The following SNX10 variants were observed in gnomAD, a reference collection of about 807,000 sequenced individuals.
SNX10 encodes the protein sorting nexin-10.
SNX10 carries 25 observed loss-of-function variants against 28.5 expected under a neutral mutation model. The ratio of observed to expected loss-of-function variants is 0.88; its 90% CI spans 0.64 to 1.22. The LOEUF (loss-of-function observed/expected upper bound fraction) is 1.22. Ranked by LOEUF, SNX10 falls within the 50% of genes most tolerant of loss-of-function variation. The probability of loss-of-function intolerance (pLI) is 0.00; values close to 1 mark genes in which losing one functional copy is unlikely to be tolerated. For missense variants in SNX10, 223 were observed against 242.6 expected (o/e 0.92, Z 0.54); for synonymous variants, 62 against 81.4 (o/e 0.76, Z 1.28).
At chr7:26,358,793 G>A (rs138883652) in intron 2 of SNX10, among the ~76,000 whole-genome samples, 2,003 of 119,542 alleles carry the variant, frequency 0.017, 28 homozygotes, top group African/African-American at 0.042. Flanking sequence ...CATCACTATA[G>A]TGTTATCTTG....
At chr7:26,324,164 C>G (rs1161039413) in intron 1 of SNX10, among the ~76,000 whole-genome samples, 2 of 151,840 alleles carry the variant, frequency 1.3e-5, no homozygotes, top group African/African-American at 4.8e-5. Context: ...TAAGATAACC[C>G]CTTATTCAGA....
chr7:26,351,681 G>A (rs1197554727), intron 2 of SNX10, among the ~76,000 whole-genome samples: 9 of 119,656 alleles, frequency 7.5e-5, no homozygotes, highest in South Asian at 2.9e-4. Context: ...TTTTGAGACC[G>A]AGTCTCTCTC....
intron 1 of SNX10, among the ~76,000 whole-genome samples, chr7:26,340,965 G>A (rs1584140731): frequency 6.6e-6 from 1 of 152,130 alleles, no homozygotes; most frequent in Non-Finnish European, 1.5e-5. Flanking sequence ...CAAACAATGT[G>A]GAAACCAAGC....
chr7:26,364,357 G>T lies in SNX10; in HGVS notation c.112-178G>T. The stretch of plus-strand genomic sequence containing the variant: ...ATTTCCATCATCCTGGCTGTCTTCA[G>T]GGCTGTTATGTTCCTGGGTTATGTG... On this transcript the variant is annotated intron_variant, in intron 3 of 6. Transcript: ENST00000338523. The surrounding 1 kb of genome is among the most constrained non-coding windows in gnomAD (Gnocchi z 4.9). 7.4e-7 allele frequency: 1 copy of T among 1,347,248 alleles called. No individual in the cohort carries two copies. The highest frequency in any genetic ancestry group is 9.5e-7 in the Non-Finnish European group (1 of 1,050,268). 83.5% of individuals were successfully genotyped at this position (1,347,248 alleles called of 1,614,324 possible). A position where few individuals can be genotyped will look rare whatever the true frequency, so the allele number is the denominator to read the frequency against.
intron 1 of SNX10, among the ~76,000 whole-genome samples, chr7:26,341,945 T>C (rs923733990): frequency 2.7e-5 from 4 of 147,296 alleles, no homozygotes; most frequent in Admixed American, 2.7e-4. Flanking sequence ...TTCCCTTCCC[T>C]TCCCTCCCCT....
chr7:26,342,548 TTA>T (rs998730511), intron 1 of SNX10, among the ~76,000 whole-genome samples: 13 of 152,334 alleles, frequency 8.5e-5, no homozygotes, highest in African/African-American at 2.4e-4. Context: ...TAAAAATAAT[TTA>T]TGTTAAAATT....
chr7:26,346,082 C>T (rs1234601756), intron 1 of SNX10, among the ~76,000 whole-genome samples: 1 of 152,186 alleles, frequency 6.6e-6, no homozygotes, highest in Non-Finnish European at 1.5e-5. Flanking sequence ...CAGCATCCCC[C>T]CGCACATGGC....
intron 1 of SNX10, among the ~76,000 whole-genome samples, chr7:26,308,399 T>C (rs554280232): frequency 9.9e-4 from 151 of 152,330 alleles, no homozygotes; most frequent in African/African-American, 3.5e-3. Context: ...CAGACAGGCC[T>C]TTCTGGGTTC....
At chr7:26,300,968 G>A (rs1487260275) in intron 1 of SNX10, among the ~76,000 whole-genome samples, 3 of 134,326 alleles carry the variant, frequency 2.2e-5, no homozygotes, top group Admixed American at 1.7e-4. Context: ...GCAGTGAGCC[G>A]AGATTGTACC....
At chr7:26,298,000 G>A (rs1584083113) in intron 1 of SNX10, among the ~76,000 whole-genome samples, 1 of 152,324 alleles carries the variant, frequency 6.6e-6, no homozygotes, top group South Asian at 2.1e-4. Flanking sequence ...GGAGGCCGAG[G>A]CAGGTGGATC....
At chr7:26,314,605 G>A (rs1786994767) in intron 1 of SNX10, among the ~76,000 whole-genome samples, 1 of 152,152 alleles carries the variant, frequency 6.6e-6, no homozygotes. Flanking sequence ...TATTTCCGTA[G>A]TATATGCAGT....
intron 1 of SNX10, among the ~76,000 whole-genome samples, chr7:26,325,855 G>A (rs577673312): frequency 6.6e-6 from 1 of 151,672 alleles, no homozygotes; most frequent in East Asian, 1.9e-4. Context: ...AGCCTCCCGA[G>A]TAGCTGATAC....
chr7:26,330,988 A>G (rs1787727626), intron 1 of SNX10, among the ~76,000 whole-genome samples: 1 of 152,084 alleles, frequency 6.6e-6, no homozygotes, highest in African/African-American at 2.4e-5. Context: ...CATCTCTACA[A>G]AAAAACTTAA....
rs181109488 is a variant in SNX10, at chr7:26,317,171, A to G, written c.-24+25085A>G. Reference sequence around the variant, plus strand: ...CTCAGAATAATCTTTTATTCTTATGATAAGAGTTACAGAGGAAGATGATGG... The same window carrying G: ...CTCAGAATAATCTTTTATTCTTATGGTAAGAGTTACAGAGGAAGATGATGG... On this transcript the variant is annotated intron_variant, in intron 1 of 6. Coordinates refer to ENST00000338523, the MANE Select transcript of SNX10 (RefSeq NM_013322.3). Among the ~76,000 whole-genome samples the G allele has an allele frequency of 4.1e-3, 628 of 152,324 alleles. 4 individuals carry two copies. The highest frequency in any genetic ancestry group is 6.8e-3 in the South Asian group (33 of 4,828).
At chr7:26,352,128 TTAAAA>T (rs1323124732) in intron 2 of SNX10, among the ~76,000 whole-genome samples, 2 of 152,136 alleles carry the variant, frequency 1.3e-5, no homozygotes, top group Non-Finnish European at 2.9e-5. Flanking sequence ...CTAAAACTGT[TTAAAA>T]TAAAAAGTTT....
intron 1 of SNX10, among the ~76,000 whole-genome samples, chr7:26,329,309 C>T (rs545799494): frequency 4.6e-5 from 7 of 152,210 alleles, no homozygotes; most frequent in Admixed American, 1.3e-4. Flanking sequence ...CCACTCTTCC[C>T]GCAGTGTTCC....
chr7:26,351,813 C>T (rs542477707), intron 2 of SNX10, among the ~76,000 whole-genome samples: 7 of 151,790 alleles, frequency 4.6e-5, no homozygotes, highest in South Asian at 2.1e-4. Context: ...CCTGCCACCA[C>T]GCCCAGCCAA....
At chr7:26,292,991 C>T (rs1785983794) in intron 1 of SNX10, 1 of 152,256 alleles carries the variant, frequency 6.6e-6, no homozygotes, top group African/African-American at 2.4e-5. Flanking sequence ...TCCCCCTCCT[C>T]TCCCAGGAGG....
chr7:26,327,242 C>T (rs920638167), intron 1 of SNX10, among the ~76,000 whole-genome samples: 1 of 152,062 alleles, frequency 6.6e-6, no homozygotes. Flanking sequence ...TGAACCACTG[C>T]GCCCGGGTCT....
Sources: allele counts gnomAD v4.1 joint callset (sites outside exome capture counted in the v4.1 genomes callset), GRCh38; gene constraint gnomAD v4.1.1; non-coding constraint Gnocchi (gnomAD v3.1); transcripts MANE v1.5; gene names NCBI Gene and HGNC (gene_info 2026-07-23, HGNC 2026-07-21).